The following HEATR6 variants were observed in gnomAD, a reference collection of about 807,000 sequenced individuals.
The protein encoded by HEATR6 is HEAT repeat-containing protein 6.
Under a neutral mutation model 132.8 loss-of-function variants are expected in HEATR6, and 106 were observed. That is an observed-to-expected ratio of 0.80 (90% confidence interval 0.68 to 0.94). The LOEUF (loss-of-function observed/expected upper bound fraction) is 0.94. Among genes scored for constraint, HEATR6 ranks in the 40% least tolerant of loss-of-function variants. HEATR6 has a pLI of 0.00. For synonymous variants in HEATR6, 529 were observed against 537.8 expected (o/e 0.98, Z 0.23); for missense variants, 1,339 against 1,425.1 (o/e 0.94, Z 0.97).
intron 5 of HEATR6, among the ~76,000 whole-genome samples, chr17:60,071,163 T>C (rs1306159007): frequency 6.6e-6 from 1 of 152,188 alleles, no homozygotes; most frequent in African/African-American, 2.4e-5. Flanking sequence ...CTCTGTAATA[T>C]GGCAAACCCA....
chr17:60,076,121 C>T lies in HEATR6; in HGVS notation c.327+9G>A. 4.1e-6 allele frequency: 6 copies of T among 1,477,292 alleles called. No homozygotes were observed. Among genetic ancestry groups the T allele is most frequent in the Non-Finnish European group, 5.7e-6 (6 of 1,057,674 alleles). The allele number at this position is 1,477,292 out of a possible 1,614,324, so 91.5% of individuals were successfully genotyped here. A position where few individuals can be genotyped will look rare whatever the true frequency, so the allele number is the denominator to read the frequency against. ...ATGATCTGAATTCTAGAGTTACATA[C>T]ATGATTACCTGTAATCTGTTAAGTA... On this transcript the variant is annotated intron_variant, in intron 2 of 19. Transcript: ENST00000184956.
chr17:60,057,497 T>C (rs1292140364), intron 11 of HEATR6, 94 bp from the exon 12 acceptor site: 2 of 774,328 alleles, frequency 2.6e-6, no homozygotes, highest in Non-Finnish European at 4.1e-6. Flanking sequence ...TAGTAGTTCC[T>C]TGTGTAACCT....
rs1331564481 is a variant in HEATR6 at position 60,041,807 on chromosome 17, ACCTG to A, written c.*1752_*1755del. On this transcript the variant is annotated 3_prime_UTR_variant, in exon 20 of 20. Transcript: ENST00000184956. Reference sequence around the variant, plus strand: ...AAGGCAAAGGAGAAAAATGGAAGACACCTGCCTTTACACGTGTATTTTAAGCTAA... The same window carrying A: ...AAGGCAAAGGAGAAAAATGGAAGACACCTTTACACGTGTATTTTAAGCTAA... 6.6e-6 allele frequency among the ~76,000 whole-genome samples: 1 copy of A among 152,194 alleles called. No individual in the cohort carries two copies. The highest frequency in any genetic ancestry group is 1.5e-5 in the Non-Finnish European group (1 of 68,044).
chr17:60,062,639 A>C (rs1490644484), intron 9 of HEATR6, among the ~76,000 whole-genome samples: 1 of 152,192 alleles, frequency 6.6e-6, no homozygotes, highest in Non-Finnish European at 1.5e-5. Flanking sequence ...GACTGTTCAC[A>C]TGTTATTTTA....
At chr17:60,058,841 G>A (rs16943994) in intron 11 of HEATR6, among the ~76,000 whole-genome samples, 14,520 of 152,162 alleles carry the variant, frequency 0.095, 900 homozygotes, top group African/African-American at 0.17. Flanking sequence ...AATGTGGTCC[G>A]ATCTGAAAGC....
chr17:60,065,330 C>T (rs1301002639), intron 9 of HEATR6, among the ~76,000 whole-genome samples: 1 of 152,164 alleles, frequency 6.6e-6, no homozygotes, highest in Non-Finnish European at 1.5e-5. Flanking sequence ...AAGGAGATGA[C>T]TCATATGGAA....
rs889932753 is a variant in HEATR6, at chr17:60,047,218, G to A, written c.2769+91C>T. 6 of 805,786 alleles carry A rather than the reference G, an allele frequency of 7.4e-6. No homozygotes were observed. The African/African-American group carries it at 1.0e-4, about 14-fold the overall frequency. The allele number at this position is 805,786 out of a possible 1,614,324, so 49.9% of individuals were successfully genotyped here. On this transcript the variant is annotated intron_variant, in intron 18 of 19. Transcript: ENST00000184956. ...AGGAGTACATTTGGTGGGACAGTCT[G>A]AGGAACATCAAGCCACACTGAACTA...
intron 3 of HEATR6, 21 bp downstream of exon 3, chr17:60,073,725 G>T: frequency 1.2e-6 from 2 of 1,611,364 alleles, no homozygotes; most frequent in Non-Finnish European, 1.7e-6. Flanking sequence ...TTCAAAGGAA[G>T]GATAAAGCAC....
Position 60,043,912 on chromosome 17 carries a change from A to C in HEATR6, c.3197T>G (p.Val1066Gly). ...CTGGCAGATTTGGGTCCGTAGGCTG[A>C]CACAGTACTTGAATTCCAAAAAGTC... ...TIDFLEFKYC[V>G]SLRTQICQAL... Residue 1066 changes from valine to glycine, a missense_variant, in exon 20 of 20, where the codon GTC becomes GGC. By Grantham distance (109) the Val-to-Gly change is moderately radical (BLOSUM62 -3). Transcript: ENST00000184956. The C allele has an allele frequency of 6.2e-7, 1 of 1,614,162 alleles. No homozygotes were observed. The highest frequency in any genetic ancestry group is 8.5e-7 in the Non-Finnish European group (1 of 1,180,014).
At chr17:60,072,165 G>T in intron 5 of HEATR6, 50 bp downstream of exon 5, 3 of 928,734 alleles carry the variant, frequency 3.2e-6, no homozygotes, top group Non-Finnish European at 3.3e-6. Context: ...TTTCCAATCT[G>T]CTTCTAGACA....
rs778194816 is a variant in HEATR6, at chr17:60,073,745, C to T, written c.468+1G>A. Reference sequence around the variant, plus strand: ...AGGAAGGATAAAGCACTTTAAACTACCTTTTGACATTTGGAGCCATTGCAG... The same window carrying T: ...AGGAAGGATAAAGCACTTTAAACTATCTTTTGACATTTGGAGCCATTGCAG... On this transcript the variant is annotated splice_donor_variant, in intron 3 of 19. Coordinates refer to ENST00000184956, the MANE Select transcript of HEATR6 (RefSeq NM_022070.5). LOFTEE classifies it high-confidence loss of function. 1.1e-5 allele frequency: 17 copies of T among 1,613,580 alleles called. No individual in the cohort carries two copies. The highest frequency in any genetic ancestry group is 1.4e-5 in the Non-Finnish European group (17 of 1,179,792).
At chr17:60,046,667 G>A (rs79422491) in intron 18 of HEATR6, among the ~76,000 whole-genome samples, 1,702 of 152,282 alleles carry the variant, frequency 0.011, 15 homozygotes, top group Non-Finnish European at 0.016. Context: ...CCGATTCGGA[G>A]GCCCTAACCT....
intron 8 of HEATR6, among the ~76,000 whole-genome samples, chr17:60,066,972 G>A (rs1334738122): frequency 5.3e-5 from 8 of 152,216 alleles, no homozygotes; most frequent in African/African-American, 1.7e-4. Context: ...TGCAATGGCA[G>A]ATCAAGAGAA....
intron 9 of HEATR6, among the ~76,000 whole-genome samples, chr17:60,061,948 CAA>C (rs1218355991): frequency 6.6e-6 from 1 of 152,144 alleles, no homozygotes; most frequent in Non-Finnish European, 1.5e-5. Flanking sequence ...ACTAATGTTC[CAA>C]AAGTCAAAAA....
intron 18 of HEATR6, 110 bp downstream of exon 18, chr17:60,047,199 A>G (rs923779334): frequency 1.5e-6 from 1 of 661,022 alleles, no homozygotes; most frequent in Admixed American, 2.5e-5. Context: ...GAACAGGAGT[A>G]CATTTGGTGG....
At chr17:60,054,955 G>C (rs1019884681) in intron 14 of HEATR6, among the ~76,000 whole-genome samples, 7 of 152,198 alleles carry the variant, frequency 4.6e-5, no homozygotes, top group Non-Finnish European at 4.4e-5. Context: ...TCTAACACTG[G>C]AGGTGGGCCT....
intron 16 of HEATR6, 28 bp from the exon 17 acceptor site, chr17:60,048,416 TA>T: frequency 6.3e-7 from 1 of 1,584,672 alleles, no homozygotes; most frequent in Non-Finnish European, 8.6e-7. Context: ...ACACTGCAGT[TA>T]CTTTAGCAGG....
At chr17:60,072,065 G>C in intron 5 of HEATR6, 150 bp downstream of exon 5, 1 of 409,194 alleles carries the variant, frequency 2.4e-6, no homozygotes, top group South Asian at 1.2e-4. Flanking sequence ...GAAATGGTAT[G>C]ATTTTAGTCT....
chr17:60,050,537 C>T (rs1906542457), intron 15 of HEATR6, among the ~76,000 whole-genome samples: 1 of 152,154 alleles, frequency 6.6e-6, no homozygotes, highest in African/African-American at 2.4e-5. Context: ...AAGAGCTGGG[C>T]TTTAACTCAG....
Sources: allele counts gnomAD v4.1 joint callset (sites outside exome capture counted in the v4.1 genomes callset), GRCh38; gene constraint gnomAD v4.1.1; transcripts MANE v1.5; gene names NCBI Gene and HGNC (gene_info 2026-07-23, HGNC 2026-07-21).